Variants in EPHA6 observed in about 807,000 individuals in gnomAD.
The protein encoded by EPHA6 is EPH receptor A6.
A neutral mutation model predicts 112.0 loss-of-function variants in EPHA6; 50 were observed. That is an observed-to-expected ratio of 0.45 (90% CI 0.36 to 0.56). The LOEUF is 0.56. Ranked by LOEUF, EPHA6 falls within the 20% of genes least tolerant of loss-of-function variation. The pLI, the probability that EPHA6 is intolerant of heterozygous loss-of-function variation, is 0.00. For missense variants in EPHA6, 1,280 were observed against 1,417.4 expected (o/e 0.90, Z 1.56); for synonymous variants, 529 against 490.7 (o/e 1.08, Z -1.03).
chr3:97,725,890 A>G (rs2034747141), intron 15 of EPHA6, among the ~76,000 whole-genome samples: 1 of 152,094 alleles, frequency 6.6e-6, no homozygotes, highest in South Asian at 2.1e-4. Flanking sequence ...TCCCAGATCC[A>G]CAATTCACTA....
chr3:97,328,271 C>A (rs1216365357), intron 5 of EPHA6, among the ~76,000 whole-genome samples: 2 of 151,720 alleles, frequency 1.3e-5, no homozygotes, highest in Non-Finnish European at 2.9e-5. Flanking sequence ...ATATAAGAAA[C>A]TGTGAAACTA....
In EPHA6 at chr3:97,736,103, TG is replaced by T; in HGVS notation, c.3115del (p.Glu1039ArgfsTer5). The T allele has an allele frequency of 6.2e-7, 1 of 1,611,998 alleles. No homozygotes were observed. Among genetic ancestry groups the T allele is most frequent in the Non-Finnish European group, 8.5e-7 (1 of 1,178,758 alleles). On this transcript the variant is annotated frameshift_variant, in exon 16 of 18. Coordinates refer to ENST00000389672, the MANE Select transcript of EPHA6 (RefSeq NM_001080448.3). LOFTEE classifies it high-confidence loss of function. Reference protein sequence around the residue: ...IRNPSALHTLVEDILVMPESP... With the variant: ...IRNPSALHTLXEDILVMPESP... ...AATCCCAGTGCCCTTCACACCCTGGTGGAGGACATCCTTGTGTAAGAGGCAT... is the reference window on the plus strand; with the variant it reads ...AATCCCAGTGCCCTTCACACCCTGGTGAGGACATCCTTGTGTAAGAGGCAT...
At chr3:96,923,036 A>G (rs921942372) in intron 2 of EPHA6, among the ~76,000 whole-genome samples, 5 of 152,148 alleles carry the variant, frequency 3.3e-5, no homozygotes, top group African/African-American at 4.8e-5. Flanking sequence ...TATCCCATCT[A>G]TCATTGATGA....
chr3:97,133,843 T>G (rs894982300), intron 3 of EPHA6, among the ~76,000 whole-genome samples: 15 of 152,030 alleles, frequency 9.9e-5, no homozygotes, highest in African/African-American at 3.6e-4. Flanking sequence ...ATTAGTTTAA[T>G]TTGTTCTCAA....
chr3:97,236,847 A>C (rs1268147478), intron 4 of EPHA6, among the ~76,000 whole-genome samples: 1 of 152,048 alleles, frequency 6.6e-6, no homozygotes, highest in Non-Finnish European at 1.5e-5. Flanking sequence ...ATGGTGGTTG[A>C]GATGTAGTTG....
intron 5 of EPHA6, among the ~76,000 whole-genome samples, chr3:97,271,061 TA>T (rs886483945): frequency 1.2e-4 from 18 of 152,180 alleles, no homozygotes; most frequent in Non-Finnish European, 2.4e-4. Context: ...CTGTGACAAT[TA>T]GAGGGTAATG....
At chr3:96,993,485 G>T (rs984032840) in intron 3 of EPHA6, among the ~76,000 whole-genome samples, 4 of 151,832 alleles carry the variant, frequency 2.6e-5, no homozygotes, top group African/African-American at 9.7e-5. Context: ...TGCCTGCCTC[G>T]GCCTCCCAAA....
intron 12 of EPHA6, among the ~76,000 whole-genome samples, chr3:97,596,478 A>C (rs1169297771): frequency 6.6e-6 from 1 of 152,052 alleles, no homozygotes; most frequent in Non-Finnish European, 1.5e-5. Context: ...CTACATTAAT[A>C]GTGATGGAGT....
At chr3:97,311,279 T>C (rs1467550854) in intron 5 of EPHA6, among the ~76,000 whole-genome samples, 4 of 151,660 alleles carry the variant, frequency 2.6e-5, no homozygotes, top group African/African-American at 9.7e-5. Flanking sequence ...AAATTTCAAA[T>C]ACATCTTTGA....
chr3:97,084,719 A>G (rs2046839424), intron 3 of EPHA6, among the ~76,000 whole-genome samples: 1 of 152,130 alleles, frequency 6.6e-6, no homozygotes, highest in Non-Finnish European at 1.5e-5. Flanking sequence ...CTGCAAGGAT[A>G]GTTACAAAAC....
At chr3:97,373,318 C>CTCACATTTCTGAAA (rs1232162308) in intron 5 of EPHA6, among the ~76,000 whole-genome samples, 13 of 152,034 alleles carry the variant, frequency 8.6e-5, no homozygotes, top group Admixed American at 6.6e-5. Flanking sequence ...TGTATATGAT[C>CTCACATTTCTGAAA]TCACATTTCT....
At position 97,417,761 on chromosome 3, in the gene EPHA6, C is replaced by T. The variant is rs1054804364; in HGVS notation, c.1731+12487C>T. ...TGGCTAGGAGGGAGAATTGATTCTG[C>T]GACTTTGGTGCTGAGCTAAGGTACT... On this transcript the variant is annotated intron_variant, in intron 6 of 17. Transcript: ENST00000389672. Among the ~76,000 whole-genome samples the T allele has an allele frequency of 5.3e-5, 8 of 152,076 alleles. No homozygotes were observed. The East Asian group carries it at 1.4e-3, about 26-fold the overall frequency.
chr3:96,864,920 G>GAAC (rs2036220715), intron 1 of EPHA6, among the ~76,000 whole-genome samples: 1 of 151,896 alleles, frequency 6.6e-6, no homozygotes, highest in Admixed American at 6.6e-5. Flanking sequence ...GAGTATTTTG[G>GAAC]AAATACATGT....
At chr3:96,957,624 A>G (rs2041809958) in intron 2 of EPHA6, among the ~76,000 whole-genome samples, 2 of 152,196 alleles carry the variant, frequency 1.3e-5, no homozygotes, top group African/African-American at 2.4e-5. Flanking sequence ...CCTTGAGAGT[A>G]CATAATCAAC....
chr3:97,232,640 C>A (rs1054432140), intron 4 of EPHA6, among the ~76,000 whole-genome samples: 6 of 152,088 alleles, frequency 3.9e-5, no homozygotes, highest in African/African-American at 1.4e-4. Context: ...AGTATGAGAC[C>A]AAGGCAAGTT....
At chr3:97,408,356 C>T (rs1186031362) in intron 6 of EPHA6, among the ~76,000 whole-genome samples, 1 of 151,968 alleles carries the variant, frequency 6.6e-6, no homozygotes, top group Non-Finnish European at 1.5e-5. Context: ...TCCCTTCTGT[C>T]CTTACCCTTT....
chr3:97,179,990 C>T lies in EPHA6; in HGVS notation c.1115-46274C>T, dbSNP rs151162781. On this transcript the variant is annotated intron_variant, in intron 3 of 17. Coordinates refer to ENST00000389672, the MANE Select transcript of EPHA6 (RefSeq NM_001080448.3). ...TCCTTGCCTTAAGGTTGGCAAGGTCCCCCAAATTCTGGGTTGGTCCAGATG... is the reference window on the plus strand; with the variant it reads ...TCCTTGCCTTAAGGTTGGCAAGGTCTCCCAAATTCTGGGTTGGTCCAGATG... 3.3e-3 allele frequency among the ~76,000 whole-genome samples: 508 copies of T among 152,124 alleles called. 3 individuals carry two copies. The highest frequency in any genetic ancestry group is 6.1e-3 in the Non-Finnish European group (418 of 67,980).
chr3:97,203,670 A>T (rs567335530), intron 3 of EPHA6, among the ~76,000 whole-genome samples: 1 of 152,128 alleles, frequency 6.6e-6, no homozygotes, highest in South Asian at 2.1e-4. Context: ...GGGAGTCAGG[A>T]GTCAGGAGTC....
intron 14 of EPHA6, among the ~76,000 whole-genome samples, chr3:97,657,489 T>A (rs1414225638): frequency 6.6e-6 from 1 of 151,788 alleles, no homozygotes; most frequent in Non-Finnish European, 1.5e-5. Context: ...AGACATAATA[T>A]GGTAGAGTAA....
Sources: gnomAD v4.1 joint callset for allele counts (sites outside exome capture counted in the v4.1 genomes callset) on GRCh38, gnomAD v4.1.1 for gene constraint, MANE v1.5 for transcripts, NCBI Gene and HGNC (gene_info 2026-07-23, HGNC 2026-07-21) for gene names.